The following GALNT13 variants were observed in gnomAD, a reference collection of about 807,000 sequenced individuals.
GALNT13 encodes the protein polypeptide N-acetylgalactosaminyltransferase 13.
A neutral mutation model predicts 64.2 loss-of-function variants in GALNT13; 28 were observed. The observed-to-expected ratio is 0.44, with a 90% CI of 0.32 to 0.60. The LOEUF (loss-of-function observed/expected upper bound fraction) is 0.60, where lower values mean the gene tolerates loss of function less well. Among genes scored for constraint, GALNT13 ranks in the 20% least tolerant of loss-of-function variants. GALNT13 has a pLI of 0.05. For synonymous variants in GALNT13, 214 were observed against 224.6 expected (o/e 0.95, Z 0.42); for missense variants, 577 against 669.8 (o/e 0.86, Z 1.53).
intron 3 of GALNT13, among the ~76,000 whole-genome samples, chr2:154,046,793 G>A (rs1271632298): frequency 6.6e-6 from 1 of 152,124 alleles, no homozygotes; most frequent in African/African-American, 2.4e-5. Context: ...AAAGCCATCT[G>A]AGGATACAGG....
At chr2:153,454,698 T>G in the GALNT13 span, among the ~76,000 whole-genome samples, 2 of 152,206 alleles carry the variant, frequency 1.3e-5, no homozygotes, top group Non-Finnish European at 2.9e-5. Flanking sequence ...TTATACACCT[T>G]CCATATCTCC....
the GALNT13 span, among the ~76,000 whole-genome samples, chr2:153,463,707 C>T: frequency 6.6e-6 from 1 of 152,062 alleles, no homozygotes; most frequent in African/African-American, 2.4e-5. Context: ...ATCATGGCTA[C>T]AGATGAGGGG....
chr2:153,782,772 G>A, the GALNT13 span, among the ~76,000 whole-genome samples: 6 of 152,064 alleles, frequency 3.9e-5, no homozygotes, highest in African/African-American at 1.4e-4. Context: ...CCTTGATCAT[G>A]GTCTTCTACC....
the GALNT13 span, among the ~76,000 whole-genome samples, chr2:153,459,815 A>T: frequency 1.3e-5 from 2 of 152,196 alleles, no homozygotes; most frequent in Non-Finnish European, 2.9e-5. Flanking sequence ...TGCTAAAACT[A>T]GATACCACTA....
the GALNT13 span, among the ~76,000 whole-genome samples, chr2:153,532,110 C>G: frequency 2.0e-5 from 3 of 152,026 alleles, no homozygotes; most frequent in African/African-American, 4.8e-5. Flanking sequence ...AAGCTCCAAC[C>G]ACACATTTTC....
At chr2:153,949,916 A>T (rs561557349) in intron 3 of GALNT13, among the ~76,000 whole-genome samples, 1 of 152,218 alleles carries the variant, frequency 6.6e-6, no homozygotes, top group African/African-American at 2.4e-5. Flanking sequence ...TCCATGTGGA[A>T]AGAGATGAAA....
intron 1 of GALNT13, among the ~76,000 whole-genome samples, chr2:153,898,767 G>C (rs996834354): frequency 8.0e-5 from 12 of 150,254 alleles, no homozygotes; most frequent in African/African-American, 2.9e-4. Flanking sequence ...TAGGAATCTA[G>C]TGAAATGTAG....
chr2:153,742,986 TG>T, the GALNT13 span, among the ~76,000 whole-genome samples: 3 of 57,808 alleles, frequency 5.2e-5, no homozygotes, highest in Non-Finnish European at 6.7e-5. Flanking sequence ...GGAGGAGAAG[TG>T]GGGGGGGAGA....
chr2:153,631,223 G>A, the GALNT13 span, among the ~76,000 whole-genome samples: 1 of 152,074 alleles, frequency 6.6e-6, no homozygotes, highest in Non-Finnish European at 1.5e-5. Flanking sequence ...TTGGACATTT[G>A]TGTTGGTTCC....
chr2:153,523,196 T>C, the GALNT13 span, among the ~76,000 whole-genome samples: 1 of 152,064 alleles, frequency 6.6e-6, no homozygotes, highest in Non-Finnish European at 1.5e-5. Context: ...TGTTCTCTTT[T>C]GATGATCCAA....
At chr2:153,398,520 C>T in the GALNT13 span, among the ~76,000 whole-genome samples, 1 of 152,022 alleles carries the variant, frequency 6.6e-6, no homozygotes, top group South Asian at 2.1e-4. Context: ...AATGGTTGAA[C>T]TAGTTTACAG....
intron 3 of GALNT13, among the ~76,000 whole-genome samples, chr2:153,990,278 A>C (rs952990984): frequency 3.3e-5 from 5 of 152,098 alleles, no homozygotes; most frequent in African/African-American, 1.2e-4. Context: ...GAAGAGAAAA[A>C]GATGTAAGAA....
the GALNT13 span, among the ~76,000 whole-genome samples, chr2:153,557,138 A>AT: frequency 6.6e-6 from 1 of 151,898 alleles, no homozygotes; most frequent in Non-Finnish European, 1.5e-5. Flanking sequence ...GTAATACTGC[A>AT]TTTTTTGCTC....
intron 8 of GALNT13, among the ~76,000 whole-genome samples, chr2:154,278,307 C>T (rs1691770415): frequency 1.3e-5 from 2 of 152,166 alleles, no homozygotes; most frequent in Admixed American, 1.3e-4. Flanking sequence ...AAGACTACTG[C>T]TCCTTCATCA....
the GALNT13 span, among the ~76,000 whole-genome samples, chr2:153,336,676 T>C: frequency 6.6e-6 from 1 of 152,184 alleles, no homozygotes; most frequent in Non-Finnish European, 1.5e-5. Context: ...GACTTTGGAC[T>C]GTGGACTTTT....
chr2:154,374,071 C>G (rs2105317025), intron 9 of GALNT13, among the ~76,000 whole-genome samples: 1 of 152,270 alleles, frequency 6.6e-6, no homozygotes, highest in East Asian at 1.9e-4. Flanking sequence ...TTACTCCCAG[C>G]CTTCTTCCTT....
At chr2:153,438,070 G>C in the GALNT13 span, among the ~76,000 whole-genome samples, 46 of 151,290 alleles carry the variant, frequency 3.0e-4, no homozygotes, top group South Asian at 7.1e-3. Context: ...TATTTTATTT[G>C]TCCTTCACTT....
intron 4 of GALNT13, among the ~76,000 whole-genome samples, chr2:154,240,736 C>T (rs1303253549): frequency 6.6e-6 from 1 of 152,188 alleles, no homozygotes; most frequent in African/African-American, 2.4e-5. Flanking sequence ...AGACCCTCTA[C>T]CTTGTCACTA....
At chr2:153,512,912 T>A in the GALNT13 span, among the ~76,000 whole-genome samples, 1 of 152,232 alleles carries the variant, frequency 6.6e-6, no homozygotes, top group Non-Finnish European at 1.5e-5. Flanking sequence ...CCCCATATGA[T>A]ATACATTAGG....
Sources: gnomAD v4.1 joint callset for allele counts (sites outside exome capture counted in the v4.1 genomes callset) on GRCh38, gnomAD v4.1.1 for gene constraint, MANE v1.5 for transcripts, NCBI Gene and HGNC (gene_info 2026-07-23, HGNC 2026-07-21) for gene names.